The following CBFA2T3 variants were observed in gnomAD, a reference collection of about 807,000 sequenced individuals.
CBFA2T3 encodes transcriptional corepressor CBFA2T3.
In CBFA2T3, 31 loss-of-function variants were observed where a neutral mutation model predicts 58.6. The observed-to-expected ratio is 0.53, with a 90% CI of 0.40 to 0.71. CBFA2T3 has a LOEUF of 0.71. Ranked by LOEUF, CBFA2T3 falls within the 30% of genes least tolerant of loss-of-function variation. The probability of loss-of-function intolerance (pLI) is 0.00; values close to 1 mark genes in which losing one functional copy is unlikely to be tolerated. For missense variants in CBFA2T3, 1,076 were observed against 963.1 expected, an observed-to-expected ratio of 1.12 and a Z score of -1.55; for synonymous variants, 531 against 421.9, an observed-to-expected ratio of 1.26 and a Z score of -3.17.
chr16:88,972,336 T>TG (rs1314651369), intron 1 of CBFA2T3, among the ~76,000 whole-genome samples: 2 of 151,922 alleles, frequency 1.3e-5, no homozygotes, highest in South Asian at 2.1e-4. Context: ...GGGAGATAGT[T>TG]GGGGGGGAGT....
At chr16:88,917,621 C>A (rs1254316071) in intron 1 of CBFA2T3, among the ~76,000 whole-genome samples, 2 of 152,154 alleles carry the variant, frequency 1.3e-5, no homozygotes, top group Non-Finnish European at 2.9e-5. Context: ...CTGCAGAGGG[C>A]GGCTGCCAAG....
In CBFA2T3 at chr16:88,881,282, C is replaced by T. The variant is rs1466370540; in HGVS notation, c.1402+9G>A. The T allele has an allele frequency of 1.3e-6, 2 of 1,594,898 alleles. No individual in the cohort carries two copies. The highest frequency in any genetic ancestry group is 4.5e-5 in the East Asian group (2 of 44,608). On this transcript the variant is annotated intron_variant, in intron 9 of 11. Transcript: ENST00000268679. ...GTGTCTGCTCCCTCCCCCCACACCC[C>T]ACACGCACCTAGCTGAGGCCCTTCG... is the stretch of plus-strand genomic sequence containing the variant.
rs563514606 is a variant in CBFA2T3 at position 88,968,339 on chromosome 16, C to T, written c.151+8318G>A. Among the ~76,000 whole-genome samples, 5 of 152,338 alleles carry T rather than the reference C, an allele frequency of 3.3e-5. No homozygotes were observed. The East Asian group carries it at 9.6e-4, about 29-fold the overall frequency. On this transcript the variant is annotated intron_variant, in intron 1 of 11. Coordinates refer to ENST00000268679, the MANE Select transcript of CBFA2T3 (RefSeq NM_005187.6). ...CGGCTGCCTGCTGTCTCCCTTCCCACCCGCCGCCCGGAGAGCCCCCCAGGT... is the reference window on the plus strand; with the variant it reads ...CGGCTGCCTGCTGTCTCCCTTCCCATCCGCCGCCCGGAGAGCCCCCCAGGT...
intron 1 of CBFA2T3, among the ~76,000 whole-genome samples, chr16:88,909,761 G>A (rs940476718): frequency 2.6e-5 from 4 of 152,252 alleles, no homozygotes; most frequent in African/African-American, 4.8e-5. Flanking sequence ...CCGCACCCAC[G>A]CTGCCCCTGA....
intron 11 of CBFA2T3, among the ~76,000 whole-genome samples, chr16:88,878,705 G>T (rs1306251955): frequency 1.3e-5 from 2 of 152,204 alleles, no homozygotes; most frequent in Non-Finnish European, 2.9e-5. Flanking sequence ...CAGCACTTTG[G>T]GATGCCGAGG....
chr16:88,960,398 G>A (rs1231281947), intron 1 of CBFA2T3, among the ~76,000 whole-genome samples: 1 of 152,238 alleles, frequency 6.6e-6, no homozygotes, highest in Non-Finnish European at 1.5e-5. Context: ...GAAGAAAGAA[G>A]TTTGAAAATC....
intron 1 of CBFA2T3, among the ~76,000 whole-genome samples, chr16:88,932,789 T>TAA (rs1971356889): frequency 7.6e-4 from 2 of 2,618 alleles, no homozygotes; most frequent in Non-Finnish European, 2.0e-3. Context: ...CTACTAAAAA[T>TAA]ACAAAAAAAA....
chr16:88,964,556 C>T (rs547137276), intron 1 of CBFA2T3, among the ~76,000 whole-genome samples: 37 of 152,196 alleles, frequency 2.4e-4, no homozygotes, highest in Non-Finnish European at 4.7e-4. Context: ...CTTTAATGTC[C>T]CTCGTCCCCT....
chr16:88,934,542 T>C (rs920051629), intron 1 of CBFA2T3, among the ~76,000 whole-genome samples: 11 of 152,202 alleles, frequency 7.2e-5, no homozygotes, highest in Admixed American at 7.2e-4. Flanking sequence ...CCATCTTCCC[T>C]GTGCACAGTG....
intron 1 of CBFA2T3, among the ~76,000 whole-genome samples, chr16:88,915,106 G>T (rs1171225366): frequency 6.6e-6 from 1 of 150,948 alleles, no homozygotes; most frequent in Non-Finnish European, 1.5e-5. Context: ...TTGTCTCCAT[G>T]CCCCCAAGCC....
chr16:88,936,743 C>G (rs1300368006), intron 1 of CBFA2T3: 6 of 152,304 alleles, frequency 3.9e-5, no homozygotes, highest in Non-Finnish European at 5.9e-5. Flanking sequence ...ACATCTGGCT[C>G]TCAGTGAGGT....
chr16:88,945,778 A>G (rs1971886086), intron 1 of CBFA2T3, among the ~76,000 whole-genome samples: 1 of 152,192 alleles, frequency 6.6e-6, no homozygotes, highest in Admixed American at 6.5e-5. Flanking sequence ...ATGAAACTAC[A>G]CACTTTTACC....
intron 1 of CBFA2T3, among the ~76,000 whole-genome samples, chr16:88,902,996 T>A (rs1267503792): frequency 6.6e-6 from 1 of 152,132 alleles, no homozygotes; most frequent in East Asian, 1.9e-4. Flanking sequence ...CACCTATGGG[T>A]CTCACCCACA....
At chr16:88,935,548 G>T (rs921198238) in intron 1 of CBFA2T3, among the ~76,000 whole-genome samples, 14 of 152,226 alleles carry the variant, frequency 9.2e-5, no homozygotes, top group Non-Finnish European at 1.8e-4. Context: ...CGGGGGCCCA[G>T]GGCTTGGCCC....
intron 1 of CBFA2T3, chr16:88,939,464 T>C (rs1472869237): frequency 6.6e-6 from 1 of 152,376 alleles, no homozygotes; most frequent in African/African-American, 2.4e-5. Context: ...AGGCCACATC[T>C]GTTCCTCCTG....
intron 1 of CBFA2T3, among the ~76,000 whole-genome samples, chr16:88,910,289 C>T (rs938813275): frequency 1.3e-5 from 2 of 152,230 alleles, no homozygotes; most frequent in Non-Finnish European, 2.9e-5. Context: ...CGCGGCCCTT[C>T]ACCCTGGCTC....
intron 1 of CBFA2T3, among the ~76,000 whole-genome samples, chr16:88,916,431 T>C (rs1970735227): frequency 6.6e-6 from 1 of 152,040 alleles, no homozygotes; most frequent in African/African-American, 2.4e-5. Context: ...GCTGTGTCCG[T>C]GTGTGTGTGC....
chr16:88,970,759 C>G (rs1257210372), intron 1 of CBFA2T3, among the ~76,000 whole-genome samples: 1 of 152,218 alleles, frequency 6.6e-6, no homozygotes, highest in Non-Finnish European at 1.5e-5. Context: ...TTCCAGGGCT[C>G]AGCACCCTCC....
chr16:88,948,603 G>A (rs1971966763), intron 1 of CBFA2T3, among the ~76,000 whole-genome samples: 1 of 152,232 alleles, frequency 6.6e-6, no homozygotes, highest in Non-Finnish European at 1.5e-5. Context: ...GTGTCTCTTG[G>A]CTTTCTCCCC....
Sources: gnomAD v4.1 joint callset for allele counts (sites outside exome capture counted in the v4.1 genomes callset) on GRCh38, gnomAD v4.1.1 for gene constraint, MANE v1.5 for transcripts, NCBI Gene and HGNC (gene_info 2026-07-23, HGNC 2026-07-21) for gene names.